Variants in FAF1 observed in about 807,000 individuals in gnomAD.
FAF1 encodes Fas associated factor 1, also known as FAS-associated factor 1.
FAF1 carries 25 observed loss-of-function variants against 92.5 expected under a neutral mutation model. The ratio of observed to expected loss-of-function variants is 0.27; its 90% confidence interval spans 0.20 to 0.38. FAF1 has a LOEUF of 0.38. Ranked by LOEUF, FAF1 falls within the 10% of genes least tolerant of loss-of-function variation. The pLI is 1.00. For synonymous variants in FAF1, 234 were observed against 273.2 expected (o/e 0.86, Z 1.42); for missense variants, 636 against 793.3 (o/e 0.80, Z 2.38).
chr1:50,604,549 C>T (rs1572863614), intron 8 of FAF1, among the ~76,000 whole-genome samples: 1 of 151,964 alleles, frequency 6.6e-6, no homozygotes, highest in East Asian at 1.9e-4. Context: ...GCTTTGTTAC[C>T]CAGACTGGAG....
At chr1:50,633,405 AG>A (rs1324825692) in intron 8 of FAF1, among the ~76,000 whole-genome samples, 1 of 152,222 alleles carries the variant, frequency 6.6e-6, no homozygotes, top group Non-Finnish European at 1.5e-5. Flanking sequence ...GAACTTTATC[AG>A]GCTGGTGTTG....
chr1:50,599,735 T>C (rs1312445445), intron 8 of FAF1, among the ~76,000 whole-genome samples: 2 of 152,228 alleles, frequency 1.3e-5, no homozygotes, highest in Non-Finnish European at 2.9e-5. Context: ...GTTTCAGTTA[T>C]ATGCTGAATC....
intron 4 of FAF1, among the ~76,000 whole-genome samples, chr1:50,783,339 C>T (rs573240769): frequency 9.2e-5 from 14 of 152,310 alleles, no homozygotes; most frequent in African/African-American, 3.4e-4. Flanking sequence ...GGAGGGAATA[C>T]TTCCTAACTT....
At chr1:50,778,838 G>GAC (rs139878228) in intron 4 of FAF1, among the ~76,000 whole-genome samples, 6,797 of 147,514 alleles carry the variant, frequency 0.046, 358 homozygotes, top group African/African-American at 0.13. Context: ...AAAACACACA[G>GAC]ACACACACAC....
intron 1 of FAF1, among the ~76,000 whole-genome samples, chr1:50,881,724 TC>T (rs1482951779): frequency 1.3e-5 from 2 of 152,214 alleles, no homozygotes; most frequent in African/African-American, 4.8e-5. Context: ...CACTGTTATC[TC>T]TCCCATTACA....
At chr1:50,775,536 A>G (rs990088584) in intron 4 of FAF1, among the ~76,000 whole-genome samples, 2 of 152,124 alleles carry the variant, frequency 1.3e-5, no homozygotes, top group African/African-American at 4.8e-5. Flanking sequence ...GAAGCTGTGT[A>G]GGAGTTTTCT....
intron 4 of FAF1, among the ~76,000 whole-genome samples, chr1:50,777,538 G>C (rs1418934863): frequency 2.0e-5 from 3 of 151,976 alleles, no homozygotes; most frequent in African/African-American, 7.3e-5. Flanking sequence ...ATTTTTTCAA[G>C]GGGACCTTAA....
At chr1:50,816,295 C>G (rs965236972) in intron 2 of FAF1, among the ~76,000 whole-genome samples, 1 of 150,294 alleles carries the variant, frequency 6.7e-6, no homozygotes, top group Non-Finnish European at 1.5e-5. Context: ...AGCTCCACCT[C>G]CCGTGTTCAC....
intron 2 of FAF1, among the ~76,000 whole-genome samples, chr1:50,828,193 C>T (rs1020479185): frequency 1.3e-4 from 20 of 150,276 alleles, no homozygotes; most frequent in African/African-American, 4.9e-4. Context: ...CAGTCCCATA[C>T]AGGTAGGAAT....
At chr1:50,457,190 G>C (rs12079301) in intron 18 of FAF1, among the ~76,000 whole-genome samples, 4,509 of 151,868 alleles carry the variant, frequency 0.03, 219 homozygotes, top group African/African-American at 0.1. Context: ...AGAATCTTCA[G>C]GTTTGGGATT....
chr1:50,598,507 A>G (rs1651938975), intron 8 of FAF1, among the ~76,000 whole-genome samples: 1 of 152,002 alleles, frequency 6.6e-6, no homozygotes, highest in Non-Finnish European at 1.5e-5. Flanking sequence ...CTGTTCTGTA[A>G]AATTAACATG....
rs1164309621 is a variant in FAF1 at position 50,837,486 on chromosome 1, A to G, written c.114+20443T>C. 2.0e-5 allele frequency among the ~76,000 whole-genome samples: 3 copies of G among 152,176 alleles called. No individual in the cohort carries two copies. In the East Asian group the frequency reaches 5.8e-4, roughly 29 times the overall value. ...GATTCAGTTAAATATTTTTGGCAAG[A>G]ATACTACATAAGGGATTTCTTTCTT... On this transcript the variant is annotated intron_variant, in intron 2 of 18. Transcript: ENST00000396153.
chr1:50,752,721 C>T (rs1346110532), intron 4 of FAF1, among the ~76,000 whole-genome samples: 1 of 151,920 alleles, frequency 6.6e-6, no homozygotes, highest in Non-Finnish European at 1.5e-5. Context: ...CTCATTTTGT[C>T]ACCCAGGCTG....
intron 2 of FAF1, among the ~76,000 whole-genome samples, chr1:50,820,865 G>GTA (rs1220980877): frequency 6.6e-6 from 1 of 152,038 alleles, no homozygotes. Flanking sequence ...GTGTGTGTGT[G>GTA]TACACATACC....
chr1:50,804,488 C>T (rs1294326890), intron 2 of FAF1, among the ~76,000 whole-genome samples: 1 of 151,782 alleles, frequency 6.6e-6, no homozygotes, highest in African/African-American at 2.4e-5. Flanking sequence ...ACAGAGGAGG[C>T]AAAGAAGAAA....
chr1:50,754,403 T>C (rs1157948209), intron 4 of FAF1, among the ~76,000 whole-genome samples: 2 of 152,188 alleles, frequency 1.3e-5, no homozygotes, highest in African/African-American at 4.8e-5. Context: ...CAAAGCCACA[T>C]GAATTATGAG....
intron 2 of FAF1, among the ~76,000 whole-genome samples, chr1:50,853,041 T>C (rs1393705688): frequency 1.3e-5 from 2 of 152,188 alleles, no homozygotes; most frequent in African/African-American, 4.8e-5. Context: ...TAGCCACTGA[T>C]GAAGGGCAGT....
intron 18 of FAF1, among the ~76,000 whole-genome samples, chr1:50,460,528 A>G (rs1646412564): frequency 6.6e-6 from 1 of 152,138 alleles, no homozygotes; most frequent in South Asian, 2.1e-4. Context: ...TATGAATTCA[A>G]TGTTAATGAA....
chr1:50,770,242 G>C (rs12726464), intron 4 of FAF1, among the ~76,000 whole-genome samples: 5 of 152,142 alleles, frequency 3.3e-5, no homozygotes, highest in Non-Finnish European at 5.9e-5. Context: ...TACAGCACTG[G>C]AAGTCCTAGC....
Sources: allele counts gnomAD v4.1 joint callset (sites outside exome capture counted in the v4.1 genomes callset), GRCh38; gene constraint gnomAD v4.1.1; transcripts MANE v1.5; gene names NCBI Gene and HGNC (gene_info 2026-07-23, HGNC 2026-07-21).